Variants in FARS2 observed in about 807,000 individuals in gnomAD.
FARS2 encodes the protein phenylalanyl-tRNA synthetase 2, mitochondrial.
In FARS2, 40 loss-of-function variants were observed where a neutral mutation model predicts 46.4. The observed-to-expected ratio is 0.86, with a 90% CI of 0.67 to 1.12. FARS2 has a LOEUF of 1.12. Ranked by LOEUF, FARS2 falls within the 50% of genes most tolerant of loss-of-function variation. The pLI is 0.00. For missense variants in FARS2, 513 were observed against 567.9 expected (o/e 0.90, Z 0.98); for synonymous variants, 234 against 214.9 (o/e 1.09, Z -0.78).
chr6:5,555,269 A>G (rs1182589048), intron 5 of FARS2, among the ~76,000 whole-genome samples: 2 of 152,072 alleles, frequency 1.3e-5, no homozygotes, highest in Admixed American at 6.5e-5. Context: ...AAGTCCAACT[A>G]CAACTCTTTT....
intron 6 of FARS2, among the ~76,000 whole-genome samples, chr6:5,667,120 G>A (rs1778167396): frequency 6.6e-6 from 1 of 152,128 alleles, no homozygotes; most frequent in African/African-American, 2.4e-5. Flanking sequence ...TAATACCTGG[G>A]TGACAATATA....
chr6:5,361,758 G>A (rs1758317888), intron 1 of FARS2, among the ~76,000 whole-genome samples: 1 of 152,194 alleles, frequency 6.6e-6, no homozygotes, highest in Non-Finnish European at 1.5e-5. Context: ...GATTGTGCTT[G>A]AACACTTTTG....
chr6:5,458,979 T>G (rs1765076625), intron 4 of FARS2, among the ~76,000 whole-genome samples: 1 of 152,224 alleles, frequency 6.6e-6, no homozygotes, highest in Non-Finnish European at 1.5e-5. Flanking sequence ...TCAGATGCAT[T>G]CCATTAAAAT....
At chr6:5,689,409 C>T (rs1020582525) in intron 6 of FARS2, among the ~76,000 whole-genome samples, 3 of 152,006 alleles carry the variant, frequency 2.0e-5, no homozygotes, top group Admixed American at 2.0e-4. Context: ...TCTTTGTTCT[C>T]GTTGGTTTCA....
Position 5,273,947 on chromosome 6 carries a change from A to G in FARS2, c.-22+12287A>G, listed in dbSNP as rs77465321. On this transcript the variant is annotated intron_variant, in intron 1 of 6. Coordinates refer to ENST00000274680, the MANE Select transcript of FARS2 (RefSeq NM_006567.5). ...TTTGTGGAAAATAAATTGACTGTAA[A>G]TGTATTGATTTATATCTGGTTCTCT... is the stretch of plus-strand genomic sequence containing the variant. 1.2e-3 allele frequency among the ~76,000 whole-genome samples: 178 copies of G among 152,286 alleles called. 4 individuals carry two copies. In the East Asian group the frequency reaches 0.033, roughly 29 times the overall value.
intron 6 of FARS2, among the ~76,000 whole-genome samples, chr6:5,706,376 A>T (rs1414448762): frequency 1.3e-5 from 2 of 152,106 alleles, no homozygotes; most frequent in Non-Finnish European, 2.9e-5. Context: ...AGTCTTGATC[A>T]CCATCATGAT....
chr6:5,285,379 G>A (rs1767035468), intron 1 of FARS2, among the ~76,000 whole-genome samples: 1 of 152,162 alleles, frequency 6.6e-6, no homozygotes, highest in African/African-American at 2.4e-5. Context: ...TGAGGCCTGT[G>A]CTGAGAAGAG....
intron 4 of FARS2, among the ~76,000 whole-genome samples, chr6:5,518,064 T>G (rs978736868): frequency 6.6e-6 from 1 of 152,138 alleles, no homozygotes; most frequent in African/African-American, 2.4e-5. Flanking sequence ...AATATGAGAG[T>G]CATGAGGTCA....
At chr6:5,452,496 C>G (rs944327981) in intron 4 of FARS2, 1 of 152,260 alleles carries the variant, frequency 6.6e-6, no homozygotes, top group African/African-American at 2.4e-5. Context: ...CCAAAGGGAC[C>G]CTGGGCAGTC....
upstream of FARS2, chr6:5,260,677 C>G: frequency 1.3e-6 from 2 of 1,537,740 alleles, no homozygotes; most frequent in Non-Finnish European, 1.8e-6. Context: ...AACGCTTGCT[C>G]TCTCTCAGCA....
chr6:5,661,356 C>T (rs1255977216), intron 6 of FARS2, among the ~76,000 whole-genome samples: 2 of 152,196 alleles, frequency 1.3e-5, no homozygotes, highest in African/African-American at 4.8e-5. Flanking sequence ...CAGAGACTGG[C>T]ATATAAATGT....
intron 1 of FARS2, among the ~76,000 whole-genome samples, chr6:5,337,550 G>A (rs2552298): frequency 0.6 from 90,896 of 151,972 alleles, 27,467 homozygotes; most frequent in East Asian, 0.82. Context: ...GCCCCTTTAT[G>A]TATTTGTTAT....
intron 6 of FARS2, among the ~76,000 whole-genome samples, chr6:5,654,333 C>T (rs1777507820): frequency 6.6e-6 from 1 of 152,168 alleles, no homozygotes; most frequent in South Asian, 2.1e-4. Context: ...ATCTCTGTTA[C>T]AGTATTCACT....
chr6:5,705,797 T>C (rs550585636), intron 6 of FARS2, among the ~76,000 whole-genome samples: 44 of 152,278 alleles, frequency 2.9e-4, no homozygotes, highest in Admixed American at 7.8e-4. Flanking sequence ...TTCTCCACTT[T>C]TTGAGCTTAT....
chr6:5,478,962 A>G (rs1022910314), intron 4 of FARS2, among the ~76,000 whole-genome samples: 1 of 152,252 alleles, frequency 6.6e-6, no homozygotes, highest in Non-Finnish European at 1.5e-5. Flanking sequence ...TTTCTTGACT[A>G]TAAAATATAC....
chr6:5,349,570 C>T (rs1581849068), intron 1 of FARS2, among the ~76,000 whole-genome samples: 1 of 152,098 alleles, frequency 6.6e-6, no homozygotes, highest in Non-Finnish European at 1.5e-5. Context: ...GTATTTTACA[C>T]CCTTGCTCTT....
At chr6:5,381,017 A>ATTTATTTATTTATTT (rs1561998609) in intron 2 of FARS2, among the ~76,000 whole-genome samples, 54 of 90,956 alleles carry the variant, frequency 5.9e-4, no homozygotes, top group Admixed American at 3.2e-3. Flanking sequence ...TTTATTTATT[A>ATTTATTTATTTATTT]TGAGACAGAG....
chr6:5,582,209 G>A (rs1296309192), intron 5 of FARS2, among the ~76,000 whole-genome samples: 22 of 64,514 alleles, frequency 3.4e-4, no homozygotes, highest in South Asian at 7.3e-4. Flanking sequence ...GCTTTTCTAA[G>A]TGGTCACAGT....
rs1022407418 is a variant in FARS2, at chr6:5,323,303, C to G, written c.-21-45247C>G. The stretch of plus-strand genomic sequence containing the variant: ...TCCATAATTTATTTATTTTAAAGAC[C>G]GACTGGGTCATTTAAAGTGAGAGAG... On this transcript the variant is annotated intron_variant, in intron 1 of 6. Coordinates refer to ENST00000274680, the MANE Select transcript of FARS2 (RefSeq NM_006567.5). Among the ~76,000 whole-genome samples, 3 of 152,036 alleles carry G rather than the reference C, an allele frequency of 2.0e-5. No individual in the cohort carries two copies. In the East Asian group the frequency reaches 5.8e-4, roughly 29 times the overall value.
Sources: allele counts gnomAD v4.1 joint callset (sites outside exome capture counted in the v4.1 genomes callset), GRCh38; gene constraint gnomAD v4.1.1; transcripts MANE v1.5; gene names NCBI Gene and HGNC (gene_info 2026-07-23, HGNC 2026-07-21).